The following DGKB variants were observed in gnomAD, a reference collection of about 807,000 sequenced individuals.
DGKB encodes the protein diacylglycerol kinase beta, also known as 90 kDa diacylglycerol kinase.
In DGKB, 67 loss-of-function variants were observed where a neutral mutation model predicts 114.3. That is an observed-to-expected ratio of 0.59 (90% CI 0.48 to 0.72). The LOEUF is 0.72. Among genes scored for constraint, DGKB ranks in the 30% least tolerant of loss-of-function variants. DGKB has a pLI of 0.00. For missense variants in DGKB, 907 were observed against 975.2 expected (o/e 0.93, Z 0.93); for synonymous variants, 398 against 323.1 (o/e 1.23, Z -2.49).
chr7:14,654,252 C>T (rs139838088), intron 13 of DGKB, among the ~76,000 whole-genome samples: 52 of 151,834 alleles, frequency 3.4e-4, no homozygotes, highest in Admixed American at 4.6e-4. Flanking sequence ...AACAAGCTAG[C>T]TGAAAAGGAA....
At chr7:14,378,513 A>T (rs981789626) in intron 21 of DGKB, among the ~76,000 whole-genome samples, 22 of 152,182 alleles carry the variant, frequency 1.4e-4, no homozygotes, top group African/African-American at 5.1e-4. Context: ...AAATTTATTT[A>T]AAAAATTTGT....
At chr7:14,209,380 T>C (rs1358685105) in intron 23 of DGKB, 3 of 463,556 alleles carry the variant, frequency 6.5e-6, no homozygotes, top group African/African-American at 6.0e-5. Flanking sequence ...AGACACTGCT[T>C]GCAACTATAA....
chr7:14,445,215 C>G (rs559224749), intron 21 of DGKB, among the ~76,000 whole-genome samples: 1 of 151,850 alleles, frequency 6.6e-6, no homozygotes, highest in South Asian at 2.1e-4. Flanking sequence ...TAAAAACTTT[C>G]AAGTCTTCTA....
intron 2 of DGKB, among the ~76,000 whole-genome samples, chr7:14,834,888 A>G (rs1846937784): frequency 6.6e-6 from 1 of 152,138 alleles, no homozygotes; most frequent in Non-Finnish European, 1.5e-5. Context: ...TACGAAAATT[A>G]TGGGAGTTTA....
chr7:14,263,875 T>G (rs796714116), intron 23 of DGKB, among the ~76,000 whole-genome samples: 13 of 152,336 alleles, frequency 8.5e-5, no homozygotes, highest in African/African-American at 3.1e-4. Context: ...CACTGAAACA[T>G]GAGAGTTAAG....
chr7:14,448,367 A>C (rs1831016546), intron 21 of DGKB, among the ~76,000 whole-genome samples: 1 of 152,058 alleles, frequency 6.6e-6, no homozygotes, highest in African/African-American at 2.4e-5. Flanking sequence ...TTGGGAAGAT[A>C]ATCAGCATCC....
intron 23 of DGKB, among the ~76,000 whole-genome samples, chr7:14,180,917 C>T (rs1310369202): frequency 6.6e-6 from 1 of 152,124 alleles, no homozygotes; most frequent in Non-Finnish European, 1.5e-5. Flanking sequence ...CTAGATCAAC[C>T]TATTTAATTG....
At chr7:14,354,668 A>G (rs2217572) in intron 21 of DGKB, among the ~76,000 whole-genome samples, 64,172 of 151,912 alleles carry the variant, frequency 0.42, 13,962 homozygotes, top group African/African-American at 0.52. Context: ...AAAGAAATTG[A>G]CCAGGCCTTC....
chr7:14,625,713 T>C (rs1033071494), intron 14 of DGKB, among the ~76,000 whole-genome samples: 1 of 152,108 alleles, frequency 6.6e-6, no homozygotes, highest in African/African-American at 2.4e-5. Flanking sequence ...ATCCTAGATA[T>C]ACAAAGAGTT....
In DGKB at chr7:14,356,106, G is replaced by A. The variant is rs181994840; in HGVS notation, c.1836-10715C>T. Among the ~76,000 whole-genome samples the A allele has an allele frequency of 2.3e-3, 343 of 152,242 alleles. 1 individual carries two copies. The highest frequency in any genetic ancestry group is 3.7e-3 in the Non-Finnish European group (252 of 68,018). On this transcript the variant is annotated intron_variant, in intron 21 of 25. Transcript: ENST00000402815. ...TTCTCTGATGGTAGTTTGTATTTCT[G>A]TGGGATCAGTGGTGATATCCTCTTT...
intron 1 of DGKB, among the ~76,000 whole-genome samples, chr7:14,854,123 A>G (rs1000990962): frequency 6.6e-6 from 1 of 152,104 alleles, no homozygotes; most frequent in African/African-American, 2.4e-5. Context: ...ATAATTTTAT[A>G]TTACCCATAG....
intron 17 of DGKB, 96 bp downstream of exon 17, chr7:14,607,338 G>C: frequency 1.4e-6 from 1 of 690,386 alleles, no homozygotes; most frequent in Non-Finnish European, 2.6e-6. Context: ...ATATGCTGCT[G>C]TGTTCAAATA....
At chr7:14,351,338 G>A (rs1017372769) in intron 21 of DGKB, among the ~76,000 whole-genome samples, 5 of 152,244 alleles carry the variant, frequency 3.3e-5, no homozygotes, top group Non-Finnish European at 7.3e-5. Context: ...AATGAGGAGC[G>A]TCTGAAAGCT....
rs74639485 is a variant in DGKB at position 14,276,211 on chromosome 7, A to G, written c.2122+62304T>C. Among the ~76,000 whole-genome samples, 575 of 152,254 alleles carry G rather than the reference A, an allele frequency of 3.8e-3. 4 individuals are homozygous for G. Among genetic ancestry groups the G allele is most frequent in the Non-Finnish European group, 4.1e-3 (278 of 68,010 alleles). ...AGAAAAATTTCCAATGATACCACAC[A>G]GCTCTCCATTCCCTAAAAAAAGGCA... On this transcript the variant is annotated intron_variant, in intron 23 of 25. Coordinates refer to ENST00000402815, the MANE Select transcript of DGKB (RefSeq NM_001350709.2).
intron 23 of DGKB, among the ~76,000 whole-genome samples, chr7:14,250,774 A>G (rs1795120431): frequency 6.6e-6 from 1 of 152,056 alleles, no homozygotes. Flanking sequence ...TTCTCCTTTC[A>G]GTTCAGTAAA....
intron 23 of DGKB, among the ~76,000 whole-genome samples, chr7:14,301,174 T>A (rs76219567): frequency 0.018 from 2,749 of 152,230 alleles, 152 homozygotes; most frequent in East Asian, 0.14. Flanking sequence ...CATCATCTTA[T>A]AAATATATTT....
At chr7:14,535,403 G>GAA (rs1349854608) in intron 20 of DGKB, among the ~76,000 whole-genome samples, 1 of 146,944 alleles carries the variant, frequency 6.8e-6, no homozygotes, top group Non-Finnish European at 1.5e-5. Flanking sequence ...AAGAAAGAAA[G>GAA]AAAGAAAAAT....
chr7:14,925,239 G>T (rs1587392999), intron 1 of DGKB, among the ~76,000 whole-genome samples: 1 of 152,178 alleles, frequency 6.6e-6, no homozygotes, highest in Non-Finnish European at 1.5e-5. Flanking sequence ...GACCATCAGT[G>T]AAAAAGTTTT....
intron 23 of DGKB, among the ~76,000 whole-genome samples, chr7:14,187,525 C>T (rs965770330): frequency 6.6e-6 from 1 of 152,202 alleles, no homozygotes; most frequent in African/African-American, 2.4e-5. Flanking sequence ...GCCTAGCGCT[C>T]CTGTCCTCAG....
Sources: allele counts gnomAD v4.1 joint callset (sites outside exome capture counted in the v4.1 genomes callset), GRCh38; gene constraint gnomAD v4.1.1; transcripts MANE v1.5; gene names NCBI Gene and HGNC (gene_info 2026-07-23, HGNC 2026-07-21).